SPTBN1: variants seen among roughly 807,000 people sequenced by gnomAD.
The protein encoded by SPTBN1 is spectrin beta, non-erythrocytic 1.
SPTBN1 carries 32 observed loss-of-function variants against 266.4 expected under a neutral mutation model. The observed-to-expected ratio is 0.12, with a 90% CI of 0.09 to 0.16. The LOEUF (loss-of-function observed/expected upper bound fraction) is 0.16, where lower values mean the gene tolerates loss of function less well. Ranked by LOEUF, SPTBN1 falls within the 10% of genes least tolerant of loss-of-function variation. The pLI, the probability that SPTBN1 is intolerant of heterozygous loss-of-function variation, is 1.00. For missense variants in SPTBN1, 2,296 were observed against 3,067.1 expected (o/e 0.75, Z 5.94); for synonymous variants, 1,336 against 1,162.2 (o/e 1.15, Z -3.04).
At position 54,659,988 on chromosome 2, in the gene SPTBN1, G is replaced by T; in HGVS notation, c.6409G>T (p.Gly2137Ter). 6.2e-7 allele frequency: 1 copy of T among 1,613,956 alleles called. No homozygotes were observed. Residue 2137 changes from glycine to a stop codon, truncating the protein, a stop_gained, in exon 32 of 36, where the codon GGA becomes TGA. Coordinates refer to ENST00000356805, the MANE Select transcript of SPTBN1 (RefSeq NM_003128.3). LOFTEE classifies it high-confidence loss of function. Reference protein sequence around the residue: ...VSQNGLPAEQGSPRMAETVDT... With the variant: ...VSQNGLPAEQ ...CCAAAACGGTTTGCCAGCTGAACAG[G>T]GATCTCCACGGGTTAGTTACCGCTC...
At chr2:54,603,508 T>C (rs540854787) in intron 3 of SPTBN1, among the ~76,000 whole-genome samples, 2 of 152,316 alleles carry the variant, frequency 1.3e-5, no homozygotes, top group African/African-American at 4.8e-5. Flanking sequence ...TGGTGTGGAC[T>C]GCAGCCCACC....
At chr2:54,574,299 G>A (rs921877917) in intron 2 of SPTBN1, among the ~76,000 whole-genome samples, 1 of 152,110 alleles carries the variant, frequency 6.6e-6, no homozygotes, top group Non-Finnish European at 1.5e-5. Context: ...TGGCGGAGCC[G>A]GCCTTTGCAC....
Position 54,653,626 on chromosome 2 carries a change from G to A in SPTBN1, c.5595G>A (p.Glu1865=). The part of the protein sequence containing the change: ...ALGTQVRQLQ[E]DAARLQAAYA... ...CTTCACAGGTGAGGCAGCTGCAGGA[G>A]GATGCAGCCCGCCTCCAGGCGGCCT... Residue 1865 remains glutamate, a synonymous_variant, in exon 27 of 36, where the codon GAG becomes GAA. Transcript: ENST00000356805. The surrounding 1 kb of genome is among the most constrained non-coding windows in gnomAD (Gnocchi z 5.1). The A allele has an allele frequency of 1.2e-6, 2 of 1,613,642 alleles. No individual in the cohort carries two copies. Among genetic ancestry groups the A allele is most frequent in the Non-Finnish European group, 1.7e-6 (2 of 1,179,916 alleles).
Position 54,617,464 on chromosome 2 carries a change from G to C in SPTBN1, c.567-144G>C, listed in dbSNP as rs185457232. On this transcript the variant is annotated intron_variant, in intron 5 of 35. Transcript: ENST00000356805. ...GCAGGCTCGAGTTGACGGATTATTT[G>C]TTCTGACTTGATTGTCCTTAGTGAT... The C allele has an allele frequency of 1.1e-5, 7 of 611,818 alleles. No homozygotes were observed. In the Admixed American group the frequency reaches 2.3e-4, roughly 20 times the overall value. 37.9% of individuals were successfully genotyped at this position (611,818 alleles called of 1,614,324 possible).
intron 1 of SPTBN1, among the ~76,000 whole-genome samples, chr2:54,492,354 T>G (rs1444089171): frequency 1.3e-5 from 2 of 150,992 alleles, no homozygotes; most frequent in Admixed American, 6.6e-5. Flanking sequence ...TTTTTGTTTT[T>G]TTTTTTTTTT....
chr2:54,633,674 C>CA (rs950933250), intron 17 of SPTBN1, among the ~76,000 whole-genome samples: 3 of 152,154 alleles, frequency 2.0e-5, no homozygotes, highest in African/African-American at 7.2e-5. Flanking sequence ...CTGATGTAAT[C>CA]AAAAAACAAG....
chr2:54,592,163 A>G (rs919390014), intron 2 of SPTBN1, among the ~76,000 whole-genome samples: 1 of 152,142 alleles, frequency 6.6e-6, no homozygotes, highest in South Asian at 2.1e-4. Flanking sequence ...TCCTTCTCTA[A>G]TATATTCATT....
chr2:54,615,203 A>G (rs1279005712), intron 4 of SPTBN1, among the ~76,000 whole-genome samples: 1 of 152,080 alleles, frequency 6.6e-6, no homozygotes, highest in Non-Finnish European at 1.5e-5. Flanking sequence ...TAACTTTTTA[A>G]TCCTGTATTT....
At chr2:54,610,908 A>G (rs961889596) in intron 3 of SPTBN1, among the ~76,000 whole-genome samples, 3 of 152,240 alleles carry the variant, frequency 2.0e-5, no homozygotes, top group Non-Finnish European at 2.9e-5. Context: ...GTGATACCCA[A>G]TTTACTAGAG....
intron 10 of SPTBN1, among the ~76,000 whole-genome samples, chr2:54,624,168 G>A (rs974572241): frequency 5.3e-5 from 8 of 152,084 alleles, no homozygotes; most frequent in Admixed American, 3.3e-4. Flanking sequence ...TGGAGGCAGG[G>A]TCTCACTATA....
intron 3 of SPTBN1, among the ~76,000 whole-genome samples, chr2:54,608,332 G>A (rs987291978): frequency 1.3e-5 from 2 of 152,184 alleles, no homozygotes; most frequent in African/African-American, 4.8e-5. Flanking sequence ...CAGCCTGTTA[G>A]TTGTAGAGTT....
At chr2:54,556,578 C>T (rs902953323) in intron 2 of SPTBN1, among the ~76,000 whole-genome samples, 11 of 152,090 alleles carry the variant, frequency 7.2e-5, no homozygotes, top group Non-Finnish European at 1.5e-4. Context: ...AGAGACTTAT[C>T]ATTTCACCAG....
rs1166936607 is a variant in SPTBN1 at position 54,472,028 on chromosome 2, T to TTTTTTG, written c.-48+15515_-48+15516insGTTTTT. Among the ~76,000 whole-genome samples, 245 of 120,670 alleles carry TTTTTTG rather than the reference T, an allele frequency of 2.0e-3. 12 individuals carry two copies. Among genetic ancestry groups the TTTTTTG allele is most frequent in the African/African-American group, 8.2e-3 (232 of 28,268 alleles). 79.2% of individuals were successfully genotyped at this position (120,670 alleles called of 152,430 possible). On this transcript the variant is annotated intron_variant, in intron 1 of 35. Coordinates refer to ENST00000356805, the MANE Select transcript of SPTBN1 (RefSeq NM_003128.3). Reference sequence around the variant, plus strand: ...AAACTGGGGCCCTGAAGATGTTTTTTTTTTTTTTTTTTTTTTTGAGACTGA... The same window carrying TTTTTTG: ...AAACTGGGGCCCTGAAGATGTTTTTTTTTTTGTTTTTTTTTTTTTTTTTGAGACTGA...
At chr2:54,553,221 AAAG>A (rs1672682815) in intron 2 of SPTBN1, among the ~76,000 whole-genome samples, 1 of 152,168 alleles carries the variant, frequency 6.6e-6, no homozygotes, top group South Asian at 2.1e-4. Flanking sequence ...TTTAGGGAGA[AAAG>A]AAGGTGGCAA....
In SPTBN1 at chr2:54,478,766, A is replaced by G. The variant is rs533535628; in HGVS notation, c.-48+22248A>G. 3.9e-5 allele frequency among the ~76,000 whole-genome samples: 6 copies of G among 152,348 alleles called. No homozygotes were observed. The East Asian group carries it at 9.6e-4, about 24-fold the overall frequency. ...GAAGTAAGCCTACAAGTTTATGCTC[A>G]TGTTTACTGTTTTCATGTTGTCAAA... On this transcript the variant is annotated intron_variant, in intron 1 of 35. Transcript: ENST00000356805.
intron 24 of SPTBN1, among the ~76,000 whole-genome samples, chr2:54,647,955 T>C (rs1433084018): frequency 6.6e-6 from 1 of 152,198 alleles, no homozygotes; most frequent in Admixed American, 6.5e-5. Context: ...TAATTACTAG[T>C]TTTAAGAGGA....
intron 3 of SPTBN1, among the ~76,000 whole-genome samples, chr2:54,599,451 G>T (rs1676329756): frequency 6.6e-6 from 1 of 152,188 alleles, no homozygotes; most frequent in Non-Finnish European, 1.5e-5. Flanking sequence ...AAGCCACTTT[G>T]TTCTGGTAAT....
intron 2 of SPTBN1, among the ~76,000 whole-genome samples, chr2:54,577,050 G>A (rs1252567399): frequency 1.3e-5 from 2 of 152,164 alleles, no homozygotes; most frequent in Non-Finnish European, 2.9e-5. Context: ...GGGACATCAT[G>A]CAAGTTTTTT....
chr2:54,477,167 C>T (rs1289068793), intron 1 of SPTBN1, among the ~76,000 whole-genome samples: 1 of 152,180 alleles, frequency 6.6e-6, no homozygotes, highest in Non-Finnish European at 1.5e-5. Flanking sequence ...AAATATTTCT[C>T]TACCAGAAGA....
Sources: gnomAD v4.1 joint callset for allele counts (sites outside exome capture counted in the v4.1 genomes callset) on GRCh38, gnomAD v4.1.1 for gene constraint, Gnocchi (gnomAD v3.1) non-coding constraint, MANE v1.5 for transcripts, NCBI Gene and HGNC (gene_info 2026-07-23, HGNC 2026-07-21) for gene names.